Variants in DIPK2B observed in about 807,000 individuals in gnomAD.
DIPK2B encodes the protein UPF0672 protein CXorf36.
Under a neutral mutation model 22.2 loss-of-function variants are expected in DIPK2B, and 15 were observed. That is an observed-to-expected ratio of 0.68 (90% confidence interval 0.45 to 1.04). The LOEUF is 1.04. DIPK2B is among the 50% of genes least tolerant of loss of function. DIPK2B has a pLI of 0.00. For synonymous variants in DIPK2B, 163 were observed against 153.2 expected (o/e 1.06, Z -0.47); for missense variants, 345 against 348.3 (o/e 0.99, Z 0.08).
intron 2 of DIPK2B, 58 bp downstream of exon 2, chrX:45,191,693 T>C: frequency 8.9e-7 from 1 of 1,124,184 alleles, no homozygotes; most frequent in South Asian, 2.0e-5. Context: ...GGAATGAATC[T>C]CTCTCTCTCT....
intron 2 of DIPK2B, among the ~76,000 whole-genome samples, chrX:45,178,881 T>A (rs2047133598): frequency 9.0e-6 from 1 of 111,587 alleles, no homozygotes; most frequent in South Asian, 3.8e-4. Flanking sequence ...CTAGACATCT[T>A]AGTGAATATC....
intron 1 of DIPK2B, among the ~76,000 whole-genome samples, chrX:45,197,032 A>G (rs758539102): frequency 8.4e-4 from 94 of 112,102 alleles, no homozygotes; most frequent in African/African-American, 3.0e-3. Flanking sequence ...ATGTGTGTTC[A>G]GCATATCCAG....
Position 45,162,190 on chromosome X carries a change from G to A in DIPK2B, c.499-4302C>T, listed in dbSNP as rs367977634. On this transcript the variant is annotated intron_variant, in intron 2 of 4. Coordinates refer to ENST00000398000, the MANE Select transcript of DIPK2B (RefSeq NM_176819.4). Reference sequence around the variant, plus strand: ...GCCAGCCATGTGATTGAGCCATCTCGGAAGTGGAACCTCTATGCCCTATAG... The same window carrying A: ...GCCAGCCATGTGATTGAGCCATCTCAGAAGTGGAACCTCTATGCCCTATAG... 3.1e-4 allele frequency: 44 copies of A among 142,154 alleles called. No individual in the cohort carries two copies. In the South Asian group the frequency reaches 5.8e-3, roughly 19 times the overall value. 11.7% of individuals were successfully genotyped at this position (142,154 alleles called of 1,213,427 possible). A position where few individuals can be genotyped will look rare whatever the true frequency, so the allele number is the denominator to read the frequency against.
At chrX:45,157,694 G>C (rs1180026747) in intron 3 of DIPK2B, 21 bp downstream of exon 3, 1 of 1,172,171 alleles carries the variant, frequency 8.5e-7, no homozygotes, top group South Asian at 1.9e-5. Context: ...AACCTAGAGG[G>C]CTTGCCAGGT....
chrX:45,191,944 G>A lies in DIPK2B; in HGVS notation c.305C>T (p.Ser102Leu), dbSNP rs1203148398. The change falls in exon 2 of 5, where the codon TCA becomes TTA. Residue 102 changes from serine to leucine, a missense_variant. By Grantham distance (145) the Ser-to-Leu change is moderately radical. Coordinates refer to ENST00000398000, the MANE Select transcript of DIPK2B (RefSeq NM_176819.4). The part of the protein sequence containing the change: ...DSLLSYPANY[S>L]DDSKIWRPVE... ...AGGGCGCCAGATTTTGGAATCATCTGAGTAATTTGCAGGATAAGAAAGCAA... is the reference window on the plus strand; with the variant it reads ...AGGGCGCCAGATTTTGGAATCATCTAAGTAATTTGCAGGATAAGAAAGCAA... The A allele has an allele frequency of 8.3e-7, 1 of 1,211,873 alleles. No homozygotes were observed. Among genetic ancestry groups the A allele is most frequent in the African/African-American group, 1.7e-5 (1 of 57,876 alleles).
intron 2 of DIPK2B, among the ~76,000 whole-genome samples, chrX:45,169,581 A>T (rs1254758582): frequency 1.8e-5 from 2 of 111,493 alleles, no homozygotes; most frequent in Non-Finnish European, 3.8e-5. Flanking sequence ...GGTGGGGACG[A>T]TGGTATTTGC....
In DIPK2B at chrX:45,150,047, A is replaced by G. The variant is rs2046952369; in HGVS notation, c.*1605T>C. On this transcript the variant is annotated 3_prime_UTR_variant, in exon 5 of 5. Coordinates refer to ENST00000398000, the MANE Select transcript of DIPK2B (RefSeq NM_176819.4). ...CAGGTGCCCGCCACCACACCTGGCT[A>G]ATTTTTGTATTTTTAGTAAGGATGG... is the stretch of plus-strand genomic sequence containing the variant. The G allele has an allele frequency of 9.0e-6, 1 of 111,250 alleles. No homozygotes were observed. Among genetic ancestry groups the G allele is most frequent in the African/African-American group, 3.3e-5 (1 of 30,477 alleles). 9.2% of individuals were successfully genotyped at this position (111,250 alleles called of 1,213,427 possible).
intron 2 of DIPK2B, among the ~76,000 whole-genome samples, chrX:45,170,243 C>CAAAAAA (rs145240278): frequency 3.8e-5 from 2 of 52,618 alleles, no homozygotes; most frequent in African/African-American, 7.8e-5. Context: ...GACTCCGTCT[C>CAAAAAA]AAAAAAAAAA....
rs1280176586 is a variant in DIPK2B, at chrX:45,151,210, A to G, written c.*442T>C. 1 of 118,857 alleles carries G rather than the reference A, an allele frequency of 8.4e-6. No homozygotes were observed. The highest frequency in any genetic ancestry group is 3.2e-5 in the African/African-American group (1 of 30,810). The allele number at this position is 118,857 out of a possible 1,213,427, so 9.8% of individuals were successfully genotyped here. On this transcript the variant is annotated 3_prime_UTR_variant, in exon 5 of 5. Transcript: ENST00000398000. ...CCTTCCCCTGCCTTCCCTCCACTCC[A>G]GCCTCCTGACCTGAGCAGCTCTTTC...
chrX:45,173,584 CTCTT>C (rs1328098237), intron 2 of DIPK2B, among the ~76,000 whole-genome samples: 3 of 82,968 alleles, frequency 3.6e-5, no homozygotes, highest in African/African-American at 8.6e-5. Context: ...CTTTCTTTTT[CTCTT>C]TCTTTCTTTT....
rs1220856393 is a variant in DIPK2B at position 45,151,265 on chromosome X, A to G, written c.*387T>C. 1 of 146,541 alleles carries G rather than the reference A, an allele frequency of 6.8e-6. No homozygotes were observed. The highest frequency in any genetic ancestry group is 1.3e-5 in the Non-Finnish European group (1 of 76,795). 12.1% of individuals were successfully genotyped at this position (146,541 alleles called of 1,213,427 possible). ...GCTCCCCGCCTCTGTGCTTTTCCAG[A>G]ACACACTTTGTAACCACCTGGGATG... On this transcript the variant is annotated 3_prime_UTR_variant, in exon 5 of 5. Coordinates refer to ENST00000398000, the MANE Select transcript of DIPK2B (RefSeq NM_176819.4).
intron 2 of DIPK2B, chrX:45,163,407 C>A: frequency 5.3e-6 from 4 of 754,136 alleles, no homozygotes; most frequent in Non-Finnish European, 6.3e-6. Context: ...AACACTCGTT[C>A]ATTACAAAAA....
At chrX:45,188,762 C>A (rs778831778) in intron 2 of DIPK2B, among the ~76,000 whole-genome samples, 83 of 111,802 alleles carry the variant, frequency 7.4e-4, no homozygotes, top group African/African-American at 2.6e-3. Context: ...CCCCTCAGCC[C>A]TTGGCAACCA....
At chrX:45,169,066 C>T (rs1054255240) in intron 2 of DIPK2B, among the ~76,000 whole-genome samples, 5 of 111,524 alleles carry the variant, frequency 4.5e-5, no homozygotes, top group African/African-American at 1.6e-4. Flanking sequence ...TAAGGGGACC[C>T]ATAGGACTCA....
At chrX:45,197,191 CT>C (rs36016068) in intron 1 of DIPK2B, among the ~76,000 whole-genome samples, 140 of 99,812 alleles carry the variant, frequency 1.4e-3, no homozygotes, top group East Asian at 3.4e-3. Flanking sequence ...TAGTAATCAC[CT>C]TTTTTTTTTT....
intron 2 of DIPK2B, among the ~76,000 whole-genome samples, chrX:45,166,277 T>G (rs1161111835): frequency 1.8e-5 from 2 of 111,213 alleles, no homozygotes; most frequent in Non-Finnish European, 3.8e-5. Context: ...AAAGCTTCCG[T>G]GCCAAGTACT....
At chrX:45,156,203 C>T (rs1343235978) in intron 3 of DIPK2B, among the ~76,000 whole-genome samples, 1 of 109,974 alleles carries the variant, frequency 9.1e-6, no homozygotes, top group Non-Finnish European at 1.9e-5. Flanking sequence ...AACTCCTGAC[C>T]TCAGGTGACC....
intron 2 of DIPK2B, among the ~76,000 whole-genome samples, chrX:45,172,231 G>T (rs753602523): frequency 8.9e-6 from 1 of 112,193 alleles, no homozygotes; most frequent in East Asian, 2.8e-4. Flanking sequence ...TTCTGAGGAG[G>T]TTTCTGATCC....
intron 2 of DIPK2B, among the ~76,000 whole-genome samples, chrX:45,170,518 G>A (rs1019069759): frequency 8.9e-6 from 1 of 112,541 alleles, no homozygotes; most frequent in Non-Finnish European, 1.9e-5. Context: ...GTGTGAATTG[G>A]CTTCTTTTAG....
Sources: allele counts gnomAD v4.1 joint callset (sites outside exome capture counted in the v4.1 genomes callset), GRCh38; gene constraint gnomAD v4.1.1; transcripts MANE v1.5; gene names NCBI Gene and HGNC (gene_info 2026-07-23, HGNC 2026-07-21).